The following DDAH1 variants were observed in gnomAD, a reference collection of about 807,000 sequenced individuals.
DDAH1 encodes N(G),N(G)-dimethylarginine dimethylaminohydrolase 1.
In DDAH1, 19 loss-of-function variants were observed where a neutral mutation model predicts 28.8. The observed-to-expected ratio is 0.66, with a 90% CI of 0.46 to 0.97. DDAH1 has a LOEUF of 0.97. DDAH1 is among the 50% of genes least tolerant of loss of function. DDAH1 has a pLI of 0.00. For synonymous variants in DDAH1, 153 were observed against 154.4 expected, an observed-to-expected ratio of 0.99 and a Z score of 0.07; for missense variants, 326 against 375.9, an observed-to-expected ratio of 0.87 and a Z score of 1.10.
At chr1:85,411,969 C>T (rs114140977) in intron 1 of DDAH1, among the ~76,000 whole-genome samples, 163 of 152,312 alleles carry the variant, frequency 1.1e-3, no homozygotes, top group African/African-American at 3.8e-3. Flanking sequence ...ATTTTCTCCA[C>T]TGATATCATT....
intron 1 of DDAH1, among the ~76,000 whole-genome samples, chr1:85,528,689 T>G (rs1657955242): frequency 6.6e-6 from 1 of 152,148 alleles, no homozygotes; most frequent in Non-Finnish European, 1.5e-5. Flanking sequence ...CCAATTTTTT[T>G]TAAAGAAAAG....
intron 1 of DDAH1, among the ~76,000 whole-genome samples, chr1:85,546,099 GACT>G (rs1658614252): frequency 6.7e-6 from 1 of 150,068 alleles, no homozygotes; most frequent in South Asian, 2.1e-4. Context: ...ACAAGTTTAT[GACT>G]ACTATTTGCT....
At chr1:85,378,535 A>C (rs1396424037) in intron 1 of DDAH1, among the ~76,000 whole-genome samples, 1 of 152,116 alleles carries the variant, frequency 6.6e-6, no homozygotes, top group Non-Finnish European at 1.5e-5. Context: ...CAGCCTCCCT[A>C]GTAGCTGGGA....
At chr1:85,527,595 C>T (rs1657918713) in intron 1 of DDAH1, among the ~76,000 whole-genome samples, 1 of 152,156 alleles carries the variant, frequency 6.6e-6, no homozygotes, top group African/African-American at 2.4e-5. Flanking sequence ...GAATTTCCTT[C>T]TGGATTCTGT....
chr1:85,329,947 T>C (rs1647661561), intron 4 of DDAH1, among the ~76,000 whole-genome samples: 1 of 152,266 alleles, frequency 6.6e-6, no homozygotes, highest in Non-Finnish European at 1.5e-5. Flanking sequence ...TTGAAAATGC[T>C]AAAGGTGCTT....
intron 1 of DDAH1, among the ~76,000 whole-genome samples, chr1:85,532,455 A>G (rs1293829011): frequency 6.6e-6 from 1 of 152,226 alleles, no homozygotes; most frequent in Non-Finnish European, 1.5e-5. Flanking sequence ...ATTGAGTTCA[A>G]CACAAGTCAC....
chr1:85,443,333 T>C (rs1417999838), intron 1 of DDAH1, among the ~76,000 whole-genome samples: 3 of 152,160 alleles, frequency 2.0e-5, no homozygotes, highest in Non-Finnish European at 4.4e-5. Flanking sequence ...GATCAGATGG[T>C]TGTAGATGTG....
intron 1 of DDAH1, among the ~76,000 whole-genome samples, chr1:85,512,322 A>G (rs1317445978): frequency 3.3e-5 from 5 of 152,350 alleles, no homozygotes; most frequent in South Asian, 4.1e-4. Flanking sequence ...AAAACTCTCA[A>G]TAAACTAGGC....
chr1:85,403,434 C>T (rs1176392817), intron 1 of DDAH1, among the ~76,000 whole-genome samples: 1 of 152,048 alleles, frequency 6.6e-6, no homozygotes, highest in Non-Finnish European at 1.5e-5. Flanking sequence ...CCTAAACATC[C>T]CTAGGCTCTA....
chr1:85,448,930 TA>T (rs1263551225), intron 1 of DDAH1, among the ~76,000 whole-genome samples: 2 of 152,206 alleles, frequency 1.3e-5, no homozygotes, highest in Admixed American at 1.3e-4. Flanking sequence ...AAGTAGCATT[TA>T]ATTGATAAGC....
At position 85,464,736 on chromosome 1, in the gene DDAH1, C is replaced by A; in HGVS notation, c.303+7G>T. 6.6e-7 allele frequency: 1 copy of A among 1,519,810 alleles called. No homozygotes were observed. Among genetic ancestry groups the A allele is most frequent in the East Asian group, 2.5e-5 (1 of 40,770 alleles). 94.1% of individuals were successfully genotyped at this position (1,519,810 alleles called of 1,614,324 possible). Reference sequence around the variant, plus strand: ...GCCCCGGCCGCGCCCCTCGAGTCGGCAGTTACCTCCTTCCTCCGGCTCGGC... The same window carrying A: ...GCCCCGGCCGCGCCCCTCGAGTCGGAAGTTACCTCCTTCCTCCGGCTCGGC... On this transcript the variant is annotated splice_region_variant and intron_variant, in intron 1 of 5. Transcript: ENST00000284031. The surrounding 1 kb of genome is among the most constrained non-coding windows in gnomAD (Gnocchi z 4.4).
chr1:85,448,754 C>A (rs914298526), intron 1 of DDAH1, among the ~76,000 whole-genome samples: 14 of 152,164 alleles, frequency 9.2e-5, no homozygotes, highest in African/African-American at 3.4e-4. Context: ...CACAGGAAAT[C>A]TATCAAAAAC....
intron 1 of DDAH1, among the ~76,000 whole-genome samples, chr1:85,541,226 C>G (rs913442028): frequency 1.3e-5 from 2 of 152,152 alleles, no homozygotes; most frequent in Non-Finnish European, 2.9e-5. Flanking sequence ...TAAGTGATAG[C>G]CTTTATATTT....
rs190825162 is a variant in DDAH1 at position 85,404,820 on chromosome 1, G to C, written c.304-45973C>G. Among the ~76,000 whole-genome samples the C allele has an allele frequency of 1.3e-3, 197 of 152,248 alleles. No homozygotes were observed. The South Asian group carries it at 0.02, about 15-fold the overall frequency. ...GCTCTAACAGAAGGCCACAGGAGTTGCTATATGTACTGTTCTCACTGACCC... is the reference window on the plus strand; with the variant it reads ...GCTCTAACAGAAGGCCACAGGAGTTCCTATATGTACTGTTCTCACTGACCC... On this transcript the variant is annotated intron_variant, in intron 1 of 5. Transcript: ENST00000284031.
intron 1 of DDAH1, among the ~76,000 whole-genome samples, chr1:85,420,986 G>C (rs149111249): frequency 1.3e-5 from 2 of 152,282 alleles, no homozygotes; most frequent in Middle Eastern, 6.8e-3. Flanking sequence ...CAATCATGGC[G>C]GAAGGTGAAG....
upstream of DDAH1, among the ~76,000 whole-genome samples, chr1:85,469,320 G>C (rs931894966): frequency 6.6e-6 from 1 of 152,218 alleles, no homozygotes; most frequent in African/African-American, 2.4e-5. Flanking sequence ...CATATGGTGT[G>C]GAAATTAAGA....
At chr1:85,367,456 A>G (rs1650134591) in intron 1 of DDAH1, among the ~76,000 whole-genome samples, 1 of 152,206 alleles carries the variant, frequency 6.6e-6, no homozygotes, top group African/African-American at 2.4e-5. Context: ...CACAATCAGT[A>G]TCAACAAGGT....
chr1:85,342,324 TC>T (rs1192966814), intron 4 of DDAH1, among the ~76,000 whole-genome samples: 2 of 152,052 alleles, frequency 1.3e-5, no homozygotes, highest in Non-Finnish European at 2.9e-5. Context: ...TTAACTTTTT[TC>T]CCCCTTTTTG....
chr1:85,426,517 C>G (rs956103095), intron 1 of DDAH1, among the ~76,000 whole-genome samples: 1 of 152,110 alleles, frequency 6.6e-6, no homozygotes, highest in African/African-American at 2.4e-5. Context: ...ACTTGAGACC[C>G]AAGACACTAA....
Sources: allele counts gnomAD v4.1 joint callset (sites outside exome capture counted in the v4.1 genomes callset), GRCh38; gene constraint gnomAD v4.1.1; non-coding constraint Gnocchi (gnomAD v3.1); transcripts MANE v1.5; gene names NCBI Gene and HGNC (gene_info 2026-07-23, HGNC 2026-07-21).